PPM1H: variants seen among roughly 807,000 people sequenced by gnomAD.
PPM1H encodes protein phosphatase, Mg2+/Mn2+ dependent 1H.
Under a neutral mutation model 54.9 loss-of-function variants are expected in PPM1H, and 27 were observed. That is an observed-to-expected ratio of 0.49 (90% confidence interval 0.36 to 0.68). The LOEUF (loss-of-function observed/expected upper bound fraction) is 0.68, where lower values mean the gene tolerates loss of function less well. Among genes scored for constraint, PPM1H ranks in the 30% least tolerant of loss-of-function variants. The pLI, the probability that PPM1H is intolerant of heterozygous loss-of-function variation, is 0.00. For missense variants in PPM1H, 596 were observed against 667.8 expected (o/e 0.89, Z 1.19); for synonymous variants, 305 against 270.8 (o/e 1.13, Z -1.24).
chr12:62,873,328 A>G (rs770880511), intron 1 of PPM1H, among the ~76,000 whole-genome samples: 3 of 152,206 alleles, frequency 2.0e-5, no homozygotes, highest in Non-Finnish European at 2.9e-5. Context: ...TCTGTCTCCA[A>G]GCTTCTGTGC....
chr12:62,764,729 G>A (rs564551343), intron 4 of PPM1H, among the ~76,000 whole-genome samples: 18 of 152,320 alleles, frequency 1.2e-4, no homozygotes, highest in African/African-American at 4.1e-4. Flanking sequence ...ACAATATAGG[G>A]AGGAGCCGTG....
chr12:62,795,064 G>A (rs552798683), intron 3 of PPM1H, among the ~76,000 whole-genome samples: 1 of 152,254 alleles, frequency 6.6e-6, no homozygotes, highest in East Asian at 1.9e-4. Context: ...TACACAGTAA[G>A]TATTAAAAAC....
rs1279773198 is a variant in PPM1H, at chr12:62,850,556, C to CA, written c.246-18278dup. 1.4e-4 allele frequency among the ~76,000 whole-genome samples: 21 copies of CA among 150,240 alleles called. No homozygotes were observed. The East Asian group carries it at 3.5e-3, about 25-fold the overall frequency. On this transcript the variant is annotated intron_variant, in intron 1 of 9. Transcript: ENST00000228705. The stretch of plus-strand genomic sequence containing the variant: ...ATCTAAAGAGGAAAACTGTAAAAAG[C>CA]AAAAAAATCCCAAAATGTCCTTGGC...
intron 6 of PPM1H, among the ~76,000 whole-genome samples, chr12:62,711,692 G>A (rs986077905): frequency 6.6e-6 from 1 of 152,164 alleles, no homozygotes; most frequent in Non-Finnish European, 1.5e-5. Flanking sequence ...GGGTCTGAGG[G>A]GGGAAGAAAG....
At chr12:62,865,891 C>T (rs1284617884) in intron 1 of PPM1H, among the ~76,000 whole-genome samples, 1 of 152,162 alleles carries the variant, frequency 6.6e-6, no homozygotes, top group Non-Finnish European at 1.5e-5. Context: ...GTTAAACACC[C>T]AAATTGTTCT....
chr12:62,684,126 A>G (rs34381145), intron 8 of PPM1H, among the ~76,000 whole-genome samples: 1 of 152,080 alleles, frequency 6.6e-6, no homozygotes, highest in Non-Finnish European at 1.5e-5. Context: ...GGCTGGGAAC[A>G]TTTTCCTTAT....
In PPM1H at chr12:62,935,004, G is replaced by T. The variant is rs1056711175; in HGVS notation, c.-268C>A. The T allele has an allele frequency of 2.8e-4, 63 of 223,526 alleles. No homozygotes were observed. Among genetic ancestry groups the T allele is most frequent in the African/African-American group, 1.1e-3 (49 of 43,476 alleles). The allele number at this position is 223,526 out of a possible 1,614,324, so 13.8% of individuals were successfully genotyped here. Reference sequence around the variant, plus strand: ...GGGCCGACCGGGGGAGTCACCGCGCGCTCCAGGAGCGCCCAGGCGGCTGCA... The same window carrying T: ...GGGCCGACCGGGGGAGTCACCGCGCTCTCCAGGAGCGCCCAGGCGGCTGCA... On this transcript the variant is annotated 5_prime_UTR_variant, in exon 1 of 10. Coordinates refer to ENST00000228705, the MANE Select transcript of PPM1H (RefSeq NM_020700.2).
chr12:62,666,799 T>C (rs891004539), intron 9 of PPM1H, among the ~76,000 whole-genome samples: 30 of 152,116 alleles, frequency 2.0e-4, no homozygotes, highest in Non-Finnish European at 2.9e-5. Context: ...CTGCAACCTC[T>C]ACCTCCCAGG....
intron 1 of PPM1H, among the ~76,000 whole-genome samples, chr12:62,932,231 T>A (rs1008352524): frequency 6.6e-6 from 1 of 151,986 alleles, no homozygotes; most frequent in Non-Finnish European, 1.5e-5. Flanking sequence ...GAAAAAAAAA[T>A]TAACTTTTTA....
At chr12:62,927,720 C>T (rs189325880) in intron 1 of PPM1H, among the ~76,000 whole-genome samples, 103 of 150,652 alleles carry the variant, frequency 6.8e-4, no homozygotes, top group African/African-American at 2.4e-3. Context: ...GAAGAGGGGA[C>T]CATTTTATAT....
chr12:62,731,525 G>A (rs1356703649), intron 5 of PPM1H, among the ~76,000 whole-genome samples: 1 of 152,168 alleles, frequency 6.6e-6, no homozygotes, highest in Non-Finnish European at 1.5e-5. Flanking sequence ...ATCCCAGAGA[G>A]CCAAGCAGCA....
At chr12:62,701,443 T>C (rs531546945) in intron 6 of PPM1H, among the ~76,000 whole-genome samples, 95 of 152,340 alleles carry the variant, frequency 6.2e-4, no homozygotes, top group African/African-American at 2.2e-3. Context: ...GGCAATTTTA[T>C]ACATCCCTTC....
At chr12:62,755,372 A>AT (rs1254824735) in intron 4 of PPM1H, 28 of 842,624 alleles carry the variant, frequency 3.3e-5, no homozygotes, top group Admixed American at 5.2e-5. Context: ...TTCCAGTATG[A>AT]TTTTGTCTGT....
Position 62,904,425 on chromosome 12 carries a change from A to C in PPM1H, c.245+30067T>G, listed in dbSNP as rs539178545. On this transcript the variant is annotated intron_variant, in intron 1 of 9. Transcript: ENST00000228705. Reference sequence around the variant, plus strand: ...GCTAATTTTCTTTTATTTTTTGTAGAGATGGGCTTTCTCCATATTGCCCAG... The same window carrying C: ...GCTAATTTTCTTTTATTTTTTGTAGCGATGGGCTTTCTCCATATTGCCCAG... Among the ~76,000 whole-genome samples, 14 of 152,252 alleles carry C rather than the reference A, an allele frequency of 9.2e-5. 1 individual carries two copies. Among genetic ancestry groups the C allele is most frequent in the African/African-American group, 3.1e-4 (13 of 41,540 alleles).
intron 6 of PPM1H, among the ~76,000 whole-genome samples, chr12:62,711,898 C>T (rs1298973382): frequency 5.9e-5 from 9 of 152,078 alleles, no homozygotes; most frequent in Admixed American, 2.6e-4. Context: ...TGCAACCATT[C>T]GTAAAGACCC....
intron 1 of PPM1H, among the ~76,000 whole-genome samples, chr12:62,924,012 A>G (rs1171328630): frequency 6.6e-6 from 1 of 152,248 alleles, no homozygotes; most frequent in Non-Finnish European, 1.5e-5. Flanking sequence ...GGTTTTAAAA[A>G]TCCTTTATTT....
chr12:62,696,366 G>A (rs1392972104), intron 6 of PPM1H, among the ~76,000 whole-genome samples: 1 of 152,132 alleles, frequency 6.6e-6, no homozygotes, highest in Non-Finnish European at 1.5e-5. Context: ...AGAAACAATG[G>A]TGGAAAAGGA....
intron 1 of PPM1H, among the ~76,000 whole-genome samples, chr12:62,845,965 C>T (rs1313435601): frequency 2.0e-5 from 3 of 152,216 alleles, no homozygotes; most frequent in Admixed American, 6.5e-5. Flanking sequence ...ACTCTCCCCA[C>T]ATCTAGCTTC....
At chr12:62,744,000 T>C (rs1355937448) in intron 4 of PPM1H, among the ~76,000 whole-genome samples, 2 of 152,106 alleles carry the variant, frequency 1.3e-5, no homozygotes, top group Non-Finnish European at 2.9e-5. Flanking sequence ...ATTCCACTTT[T>C]GGGAATACAT....
Sources: allele counts gnomAD v4.1 joint callset (sites outside exome capture counted in the v4.1 genomes callset), GRCh38; gene constraint gnomAD v4.1.1; transcripts MANE v1.5; gene names NCBI Gene and HGNC (gene_info 2026-07-23, HGNC 2026-07-21).